Variants in GALNT17 observed in about 807,000 individuals in gnomAD.
GALNT17 encodes UDP-GalNAc:polypeptide N-acetylgalactosaminyltransferase-like 3.
Under a neutral mutation model 63.7 loss-of-function variants are expected in GALNT17, and 29 were observed. That is an observed-to-expected ratio of 0.46 (90% confidence interval 0.34 to 0.62). The LOEUF (loss-of-function observed/expected upper bound fraction) is 0.62. Among genes scored for constraint, GALNT17 ranks in the 20% least tolerant of loss-of-function variants. The pLI is 0.01. For synonymous variants in GALNT17, 305 were observed against 318.3 expected (o/e 0.96, Z 0.45); for missense variants, 603 against 799.6 (o/e 0.75, Z 2.97).
intron 6 of GALNT17, among the ~76,000 whole-genome samples, chr7:71,589,427 C>T (rs1348780639): frequency 6.6e-6 from 1 of 151,986 alleles, no homozygotes; most frequent in African/African-American, 2.4e-5. Context: ...AAATAATTAC[C>T]CAGGCATGGT....
At chr7:71,460,244 G>A (rs987665271) in intron 5 of GALNT17, among the ~76,000 whole-genome samples, 4 of 152,116 alleles carry the variant, frequency 2.6e-5, no homozygotes, top group Admixed American at 2.6e-4. Flanking sequence ...ACAACAATAT[G>A]TCTATGAAAT....
chr7:71,652,302 A>G (rs1010803249), intron 6 of GALNT17, among the ~76,000 whole-genome samples: 48 of 152,196 alleles, frequency 3.2e-4, no homozygotes, highest in Non-Finnish European at 5.4e-4. Context: ...ATATTTGTCA[A>G]TCCCATTTCT....
At chr7:71,193,668 G>A (rs1467213005) in intron 1 of GALNT17, among the ~76,000 whole-genome samples, 3 of 151,932 alleles carry the variant, frequency 2.0e-5, no homozygotes, top group African/African-American at 7.3e-5. Context: ...CTCCTGGGGG[G>A]AAGATTGAGA....
intron 5 of GALNT17, among the ~76,000 whole-genome samples, chr7:71,444,229 C>CCTGA (rs1202606034): frequency 6.6e-6 from 1 of 152,290 alleles, no homozygotes; most frequent in East Asian, 1.9e-4. Context: ...GCTGCAAACA[C>CCTGA]CTGAGCCTTG....
chr7:71,150,654 G>C (rs1788113347), intron 1 of GALNT17, among the ~76,000 whole-genome samples: 1 of 151,764 alleles, frequency 6.6e-6, no homozygotes, highest in African/African-American at 2.4e-5. Context: ...GGGACTACAG[G>C]TGCCTGCCAC....
intron 5 of GALNT17, among the ~76,000 whole-genome samples, chr7:71,431,641 C>G (rs963128155): frequency 6.6e-6 from 1 of 152,142 alleles, no homozygotes; most frequent in Non-Finnish European, 1.5e-5. Flanking sequence ...AGTCTGTGTT[C>G]TTACCTGCTG....
chr7:71,133,393 G>A (rs944918051), intron 1 of GALNT17, among the ~76,000 whole-genome samples: 2 of 76,398 alleles, frequency 2.6e-5, no homozygotes, highest in Non-Finnish European at 4.7e-5. Context: ...CGCGCGGGCA[G>A]ACGTGTAGGA....
intron 1 of GALNT17, among the ~76,000 whole-genome samples, chr7:71,220,824 A>G (rs1789569377): frequency 6.6e-6 from 1 of 152,174 alleles, no homozygotes; most frequent in Non-Finnish European, 1.5e-5. Context: ...CCCTGCTGAC[A>G]GCTTGGACTT....
chr7:71,226,282 A>G (rs1414640969), intron 1 of GALNT17, among the ~76,000 whole-genome samples: 1 of 152,160 alleles, frequency 6.6e-6, no homozygotes, highest in Non-Finnish European at 1.5e-5. Context: ...TGTGGTTTGG[A>G]TATGTCTCCT....
chr7:71,624,820 G>A (rs939119039), intron 6 of GALNT17, among the ~76,000 whole-genome samples: 2 of 152,118 alleles, frequency 1.3e-5, no homozygotes, highest in Non-Finnish European at 2.9e-5. Context: ...GAAGGAGGAC[G>A]GCATTGTTTT....
At chr7:71,314,506 G>C (rs1485021711) in intron 1 of GALNT17, among the ~76,000 whole-genome samples, 1 of 152,190 alleles carries the variant, frequency 6.6e-6, no homozygotes, top group African/African-American at 2.4e-5. Context: ...AAGCGTGATG[G>C]TCATATAACT....
intron 5 of GALNT17, among the ~76,000 whole-genome samples, chr7:71,504,912 T>G (rs1788242637): frequency 6.6e-6 from 1 of 152,134 alleles, no homozygotes; most frequent in East Asian, 1.9e-4. Flanking sequence ...ATCTCTCCCC[T>G]GGGTCTCTCT....
Position 71,180,291 on chromosome 7 carries a change from A to G in GALNT17, c.238+47251A>G, listed in dbSNP as rs541325213. ...CTGGTGCATGCCGCCACACCTGGCT[A>G]ATTTTTTGTATTTTAGTAGAGACGG... On this transcript the variant is annotated intron_variant, in intron 1 of 10. Coordinates refer to ENST00000333538, the MANE Select transcript of GALNT17 (RefSeq NM_022479.3). Among the ~76,000 whole-genome samples the G allele has an allele frequency of 1.5e-4, 23 of 152,050 alleles. No individual in the cohort carries two copies. In the East Asian group the frequency reaches 4.1e-3, roughly 27 times the overall value.
chr7:71,409,779 A>T (rs1005685299), intron 3 of GALNT17, among the ~76,000 whole-genome samples: 6 of 152,188 alleles, frequency 3.9e-5, no homozygotes, highest in Admixed American at 1.3e-4. Flanking sequence ...AAAGAGTTTC[A>T]TGAGTATAGG....
chr7:71,507,641 A>T (rs1788289460), intron 5 of GALNT17, among the ~76,000 whole-genome samples: 1 of 152,202 alleles, frequency 6.6e-6, no homozygotes, highest in Admixed American at 6.5e-5. Flanking sequence ...GCCCTGAGCC[A>T]ATGCGTTGGT....
At chr7:71,365,519 C>T (rs546518036) in intron 2 of GALNT17, among the ~76,000 whole-genome samples, 5 of 152,302 alleles carry the variant, frequency 3.3e-5, no homozygotes, top group East Asian at 1.9e-4. Flanking sequence ...GGATTATAGG[C>T]GTGAGCCACA....
intron 2 of GALNT17, among the ~76,000 whole-genome samples, chr7:71,366,081 AC>A (rs1792501128): frequency 6.6e-6 from 1 of 152,044 alleles, no homozygotes; most frequent in South Asian, 2.1e-4. Context: ...TTGCACTCTT[AC>A]GAGAATCTAA....
intron 5 of GALNT17, among the ~76,000 whole-genome samples, chr7:71,531,333 A>G (rs189168652): frequency 4.6e-5 from 7 of 152,120 alleles, no homozygotes; most frequent in Admixed American, 6.5e-5. Flanking sequence ...AACACTTAAC[A>G]TAAGATCTAC....
At chr7:71,529,618 G>A (rs1788681614) in intron 5 of GALNT17, among the ~76,000 whole-genome samples, 1 of 152,224 alleles carries the variant, frequency 6.6e-6, no homozygotes, top group Non-Finnish European at 1.5e-5. Context: ...AGTGAAATGT[G>A]TACAGACATA....
Sources: allele counts gnomAD v4.1 joint callset (sites outside exome capture counted in the v4.1 genomes callset), GRCh38; gene constraint gnomAD v4.1.1; transcripts MANE v1.5; gene names NCBI Gene and HGNC (gene_info 2026-07-23, HGNC 2026-07-21).